VWDE: variants seen among roughly 807,000 people sequenced by gnomAD.
The protein encoded by VWDE is von Willebrand factor D and EGF domain-containing protein.
VWDE carries 207 observed loss-of-function variants against 178.4 expected under a neutral mutation model. That is an observed-to-expected ratio of 1.16 (90% CI 1.04 to 1.30). VWDE has a LOEUF of 1.30. VWDE is among the 50% of genes most tolerant of loss of function. The pLI, the probability that VWDE is intolerant of heterozygous loss-of-function variation, is 0.00. For missense variants in VWDE, 2,287 were observed against 1,901.3 expected, an observed-to-expected ratio of 1.20 and a Z score of -3.77; for synonymous variants, 738 against 651.4, an observed-to-expected ratio of 1.13 and a Z score of -2.02.
Position 12,370,806 on chromosome 7 carries a change from A to G in VWDE, c.1646T>C (p.Leu549Pro). 6.4e-7 allele frequency: 1 copy of G among 1,551,218 alleles called. No homozygotes were observed. Among genetic ancestry groups the G allele is most frequent in the South Asian group, 1.2e-5 (1 of 84,052 alleles). ...RADLGEWGMS[L>P]TIRAPSVDYR... is the part of the protein sequence containing the mutation. ...ATCTACACTAGGGGCTCTGATCGTTAGACTCATGCCCCATTCACCAAGATC... is the reference window on the plus strand; with the variant it reads ...ATCTACACTAGGGGCTCTGATCGTTGGACTCATGCCCCATTCACCAAGATC... The change falls in exon 11 of 29, where the codon CTA (leucine) becomes CCA (proline). Residue 549 changes from leucine to proline, a missense_variant. Leu to Pro is a moderately conservative substitution (Grantham distance 98). Coordinates refer to ENST00000275358, the MANE Select transcript of VWDE (RefSeq NM_001135924.3).
At chr7:12,368,620 G>A (rs904422127) in intron 12 of VWDE, among the ~76,000 whole-genome samples, 8 of 152,096 alleles carry the variant, frequency 5.3e-5, no homozygotes, top group Non-Finnish European at 1.5e-5. Context: ...GGTCTTCTAC[G>A]CCATGGTAGG....
Position 12,370,337 on chromosome 7 carries a change from T to G in VWDE, c.1969A>C (p.Ser657Arg). The G allele has an allele frequency of 6.4e-7, 1 of 1,551,312 alleles. No homozygotes were observed. Among genetic ancestry groups the G allele is most frequent in the Non-Finnish European group, 8.7e-7 (1 of 1,146,842 alleles). Residue 657 changes from serine (S) to arginine (R), a missense_variant, in exon 12 of 29, where the codon AGC becomes CGC. Coordinates refer to ENST00000275358, the MANE Select transcript of VWDE (RefSeq NM_001135924.3). ...ALGCKDLNHV[S>R]LSSLIPELDV... is the part of the protein sequence containing the mutation. ...AGTTCTGGTATCAAAGAAGATAAGCTGACATGATTGAGGTCTTTGCAACCC... is the reference window on the plus strand; with the variant it reads ...AGTTCTGGTATCAAAGAAGATAAGCGGACATGATTGAGGTCTTTGCAACCC...
chr7:12,333,300 T>G (rs1028205350), intron 28 of VWDE, among the ~76,000 whole-genome samples, 165 bp downstream of exon 28: 1 of 152,114 alleles, frequency 6.6e-6, no homozygotes, highest in African/African-American at 2.4e-5. Flanking sequence ...ATATAATAAC[T>G]CTACCAAAAC....
intron 17 of VWDE, 136 bp downstream of exon 17, chr7:12,357,129 C>T: frequency 8.7e-7 from 1 of 1,148,152 alleles, no homozygotes; most frequent in Non-Finnish European, 1.2e-6. Context: ...AAAGTTTCGG[C>T]AGTTTAATTT....
At chr7:12,347,695 A>C (rs570390991) in intron 19 of VWDE, among the ~76,000 whole-genome samples, 8 of 152,168 alleles carry the variant, frequency 5.3e-5, no homozygotes, top group East Asian at 1.9e-4. Context: ...GCTACCAACG[A>C]CTTTCTTCAC....
At chr7:12,393,446 G>A in intron 2 of VWDE, 148 bp downstream of exon 2, 3 of 641,594 alleles carry the variant, frequency 4.7e-6, no homozygotes, top group South Asian at 5.0e-5. Flanking sequence ...ATTAGACTAG[G>A]TAATGTGGGA....
Position 12,347,857 on chromosome 7 carries a change from C to T in VWDE, c.3887-3388G>A, listed in dbSNP as rs540438200. On this transcript the variant is annotated intron_variant, in intron 19 of 28. Transcript: ENST00000275358. ...GGCTACAGTAACCAAAACAGCATGG[C>T]ACTGGTACCAAAACAGAGATATAGA... 2.6e-3 allele frequency among the ~76,000 whole-genome samples: 393 copies of T among 152,096 alleles called. 1 individual carries two copies. Among genetic ancestry groups the T allele is most frequent in the African/African-American group, 8.3e-3 (346 of 41,482 alleles).
At chr7:12,349,844 T>C (rs1304675616) in intron 19 of VWDE, among the ~76,000 whole-genome samples, 2 of 152,050 alleles carry the variant, frequency 1.3e-5, no homozygotes, top group Non-Finnish European at 2.9e-5. Flanking sequence ...AAAATAGCTA[T>C]ACATAAGAAG....
At chr7:12,347,622 T>A (rs905305705) in intron 19 of VWDE, among the ~76,000 whole-genome samples, 18 of 152,144 alleles carry the variant, frequency 1.2e-4, no homozygotes, top group African/African-American at 4.1e-4. Flanking sequence ...ATATATGATA[T>A]TTAATCGTGA....
At chr7:12,401,221 G>A (rs1019786803) in intron 1 of VWDE, among the ~76,000 whole-genome samples, 6 of 152,004 alleles carry the variant, frequency 3.9e-5, no homozygotes, top group African/African-American at 1.4e-4. Flanking sequence ...TACCCAGGGG[G>A]ATTAACCAAA....
In VWDE at chr7:12,343,296, T is replaced by C. The variant is rs1036560605; in HGVS notation, c.4079-118A>G. The C allele has an allele frequency of 1.3e-5, 8 of 619,272 alleles. No individual in the cohort carries two copies. The Admixed American group carries it at 2.4e-4, about 19-fold the overall frequency. The allele number at this position is 619,272 out of a possible 1,614,324, so 38.4% of individuals were successfully genotyped here. The stretch of plus-strand genomic sequence containing the variant: ...AAGAGTAATTTATAATACATTAAGC[T>C]CTCTTTTACTACAAAACTTAGTTCT... On this transcript the variant is annotated intron_variant, in intron 21 of 28. Transcript: ENST00000275358.
intron 1 of VWDE, among the ~76,000 whole-genome samples, chr7:12,402,772 G>C (rs1045690939): frequency 6.6e-6 from 1 of 152,060 alleles, no homozygotes; most frequent in African/African-American, 2.4e-5. Context: ...GATAGTGTTT[G>C]TATTCCCCTT....
chr7:12,380,721 G>A lies in VWDE; in HGVS notation c.554C>T (p.Ala185Val). Residue 185 changes from alanine to valine, a missense_variant, in exon 5 of 29, where the codon GCC becomes GTC. Coordinates refer to ENST00000275358, the MANE Select transcript of VWDE (RefSeq NM_001135924.3). ...TGGDCVRQLA[A>V]SLPPPPAGRP... is the part of the protein sequence containing the mutation. Reference sequence around the variant, plus strand: ...TCCTGCAGGTGGAGGTGGCAATGAGGCAGCCAGCTGACCTGGGGAGAAAAT... The same window carrying A: ...TCCTGCAGGTGGAGGTGGCAATGAGACAGCCAGCTGACCTGGGGAGAAAAT... 6.4e-7 allele frequency: 1 copy of A among 1,551,766 alleles called. No individual in the cohort carries two copies. The highest frequency in any genetic ancestry group is 8.7e-7 in the Non-Finnish European group (1 of 1,146,980).
At chr7:12,355,123 A>C (rs1782158077) in intron 18 of VWDE, among the ~76,000 whole-genome samples, 1 of 152,154 alleles carries the variant, frequency 6.6e-6, no homozygotes, top group Non-Finnish European at 1.5e-5. Flanking sequence ...CCCAATGATA[A>C]AATTTTTGTT....
At chr7:12,331,756 C>T (rs1211358570) in intron 28 of VWDE, among the ~76,000 whole-genome samples, 1 of 152,078 alleles carries the variant, frequency 6.6e-6, no homozygotes, top group Non-Finnish European at 1.5e-5. Flanking sequence ...GTTAAACTTG[C>T]CTGAAATCAC....
chr7:12,396,913 C>T (rs996724733), intron 1 of VWDE, among the ~76,000 whole-genome samples: 2 of 152,062 alleles, frequency 1.3e-5, no homozygotes, highest in African/African-American at 4.8e-5. Context: ...CCAGCCTGGG[C>T]AACAAGAGTG....
intron 28 of VWDE, among the ~76,000 whole-genome samples, chr7:12,332,919 A>T (rs935144576): frequency 2.0e-5 from 3 of 151,842 alleles, no homozygotes; most frequent in Non-Finnish European, 2.9e-5. Context: ...TTAAATTACA[A>T]CTCCTACATA....
chr7:12,398,557 T>G (rs555505173), intron 1 of VWDE, among the ~76,000 whole-genome samples: 1 of 152,278 alleles, frequency 6.6e-6, no homozygotes, highest in South Asian at 2.1e-4. Context: ...GAGAGATGGA[T>G]TTGAGACTGA....
chr7:12,371,684 T>C (rs1783209726), intron 10 of VWDE, among the ~76,000 whole-genome samples: 1 of 152,206 alleles, frequency 6.6e-6, no homozygotes, highest in Non-Finnish European at 1.5e-5. Flanking sequence ...TTAAGGTAGC[T>C]AATATTAAGA....
Sources: gnomAD v4.1 joint callset for allele counts (sites outside exome capture counted in the v4.1 genomes callset) on GRCh38, gnomAD v4.1.1 for gene constraint, MANE v1.5 for transcripts, NCBI Gene and HGNC (gene_info 2026-07-23, HGNC 2026-07-21) for gene names.